The following RFX4 variants were observed in gnomAD, a reference collection of about 807,000 sequenced individuals.
The protein encoded by RFX4 is regulatory factor X4, also known as transcription factor RFX4.
Under a neutral mutation model 95.0 loss-of-function variants are expected in RFX4, and 10 were observed. That is an observed-to-expected ratio of 0.11 (90% CI 0.06 to 0.18). The LOEUF (loss-of-function observed/expected upper bound fraction) is 0.18. Ranked by LOEUF, RFX4 falls within the 10% of genes least tolerant of loss-of-function variation. The pLI is 1.00. For missense variants in RFX4, 640 were observed against 922.0 expected (o/e 0.69, Z 3.96); for synonymous variants, 321 against 340.7 (o/e 0.94, Z 0.64).
intron 13 of RFX4, among the ~76,000 whole-genome samples, chr12:106,730,549 T>C (rs902716083): frequency 6.6e-6 from 1 of 152,212 alleles, no homozygotes; most frequent in African/African-American, 2.4e-5. Flanking sequence ...ACCTCACAGT[T>C]TGTTGTAAGG....
chr12:106,696,516 T>G, intron 8 of RFX4, 70 bp downstream of exon 8: 1 of 1,571,784 alleles, frequency 6.4e-7, no homozygotes, highest in Non-Finnish European at 8.7e-7. Flanking sequence ...TCTCTTGTAC[T>G]GATTATAATC....
At chr12:106,601,727 G>A (rs1036564141) in intron 1 of RFX4, among the ~76,000 whole-genome samples, 12 of 152,156 alleles carry the variant, frequency 7.9e-5, no homozygotes, top group African/African-American at 2.2e-4. Flanking sequence ...TGGGCCCGGC[G>A]GGCAAGGCCT....
chr12:106,599,066 C>A (rs529290730), intron 1 of RFX4, among the ~76,000 whole-genome samples: 4 of 152,212 alleles, frequency 2.6e-5, no homozygotes, highest in African/African-American at 9.6e-5. Context: ...TGGCACTGAA[C>A]ACCTTAGGTT....
At chr12:106,606,344 G>A (rs574426393) in intron 1 of RFX4, among the ~76,000 whole-genome samples, 3 of 152,258 alleles carry the variant, frequency 2.0e-5, no homozygotes, top group African/African-American at 7.2e-5. Flanking sequence ...TATAGATATT[G>A]CTTTTGGTGG....
At chr12:106,625,066 A>G (rs1024096480) in intron 2 of RFX4, among the ~76,000 whole-genome samples, 1 of 152,222 alleles carries the variant, frequency 6.6e-6, no homozygotes, top group African/African-American at 2.4e-5. Context: ...TTGTTAGCCT[A>G]GAATAAAATA....
At chr12:106,671,649 C>CTTCTTTCTTTTCTT (rs1308265920) in intron 4 of RFX4, among the ~76,000 whole-genome samples, 11 of 151,708 alleles carry the variant, frequency 7.3e-5, no homozygotes, top group African/African-American at 1.7e-4. Context: ...TGTTGTTTTC[C>CTTCTTTCTTTTCTT]TTCTTTCTTT....
intron 8 of RFX4, among the ~76,000 whole-genome samples, chr12:106,699,949 T>G (rs1287020183): frequency 1.3e-5 from 2 of 152,122 alleles, no homozygotes; most frequent in Non-Finnish European, 2.9e-5. Context: ...GTTTCATCAG[T>G]TTTTGCTCCT....
At chr12:106,583,877 G>A (rs985908692) in intron 1 of RFX4, 27 of 152,772 alleles carry the variant, frequency 1.8e-4, no homozygotes, top group Non-Finnish European at 3.8e-4. Flanking sequence ...TGGTAGAGAC[G>A]CGCAGCTGGA....
At position 106,648,855 on chromosome 12, in the gene RFX4, GT is replaced by G. The variant is rs1355082490; in HGVS notation, c.192-5372del. 7.2e-5 allele frequency among the ~76,000 whole-genome samples: 11 copies of G among 152,150 alleles called. No homozygotes were observed. In the East Asian group the frequency reaches 1.9e-3, roughly 27 times the overall value. On this transcript the variant is annotated intron_variant, in intron 3 of 17. Coordinates refer to ENST00000392842, the MANE Select transcript of RFX4 (RefSeq NM_213594.3). ...TGAGGACAGTGGGAAATGATGCCAG[GT>G]GCCGAAACATTTGCTTTTCATTGTA...
At chr12:106,666,887 T>C (rs1332060929) in intron 4 of RFX4, among the ~76,000 whole-genome samples, 2 of 152,220 alleles carry the variant, frequency 1.3e-5, no homozygotes, top group African/African-American at 2.4e-5. Context: ...AATTCTGACA[T>C]CCTTGCCTTG....
intron 9 of RFX4, among the ~76,000 whole-genome samples, chr12:106,710,867 A>G (rs961320820): frequency 4.6e-5 from 7 of 152,196 alleles, no homozygotes; most frequent in Admixed American, 3.9e-4. Context: ...TTATCAGCCT[A>G]TTATGTCAGT....
At chr12:106,735,891 C>T (rs1185923661) in intron 15 of RFX4, among the ~76,000 whole-genome samples, 1 of 152,060 alleles carries the variant, frequency 6.6e-6, no homozygotes, top group African/African-American at 2.4e-5. Flanking sequence ...CTATGAGGTT[C>T]CCAAGGAAGG....
At chr12:106,708,755 C>T (rs978329885) in intron 8 of RFX4, among the ~76,000 whole-genome samples, 2 of 152,170 alleles carry the variant, frequency 1.3e-5, no homozygotes, top group African/African-American at 2.4e-5. Context: ...AACCTACTGC[C>T]CTGCTCAGTG....
intron 6 of RFX4, among the ~76,000 whole-genome samples, chr12:106,687,796 A>G (rs1156987939): frequency 6.6e-6 from 1 of 152,040 alleles, no homozygotes; most frequent in Non-Finnish European, 1.5e-5. Context: ...TCTACCTATC[A>G]TCTATCTTCT....
chr12:106,602,194 C>T (rs1365851077), intron 1 of RFX4, among the ~76,000 whole-genome samples: 1 of 152,198 alleles, frequency 6.6e-6, no homozygotes, highest in East Asian at 1.9e-4. Flanking sequence ...GTCTCTGCTT[C>T]AGTTGCTGCG....
chr12:106,679,174 CT>C (rs2041452992), intron 4 of RFX4, among the ~76,000 whole-genome samples: 1 of 152,182 alleles, frequency 6.6e-6, no homozygotes, highest in Admixed American at 6.5e-5. Flanking sequence ...TGGTGCCTTA[CT>C]GGCCAAGTGC....
In RFX4 at chr12:106,681,978, T is replaced by A. The variant is rs1340076262; in HGVS notation, c.316-15T>A. The A allele has an allele frequency of 6.2e-7, 1 of 1,614,084 alleles. No homozygotes were observed. The highest frequency in any genetic ancestry group is 8.5e-7 in the Non-Finnish European group (1 of 1,179,942). On this transcript the variant is annotated splice_polypyrimidine_tract_variant and intron_variant, in intron 4 of 17. Coordinates refer to ENST00000392842, the MANE Select transcript of RFX4 (RefSeq NM_213594.3). Reference sequence around the variant, plus strand: ...CTCTTCCCAATGGGTAACTGATTCTTGTGTTGACTTACAGATCATAAGGCA... The same window carrying A: ...CTCTTCCCAATGGGTAACTGATTCTAGTGTTGACTTACAGATCATAAGGCA...
At chr12:106,604,115 C>T (rs1158985267) in intron 1 of RFX4, among the ~76,000 whole-genome samples, 1 of 112,810 alleles carries the variant, frequency 8.9e-6, no homozygotes, top group African/African-American at 3.6e-5. Flanking sequence ...GCTTCTCTCT[C>T]TTTTTTTTTT....
At chr12:106,654,110 C>T in intron 3 of RFX4, 118 bp from the exon 4 acceptor site, 3 of 1,377,082 alleles carry the variant, frequency 2.2e-6, no homozygotes, top group Non-Finnish European at 3.1e-6. Flanking sequence ...AGCTTCTCCA[C>T]CTGTAGAAAG....
Sources: gnomAD v4.1 joint callset for allele counts (sites outside exome capture counted in the v4.1 genomes callset) on GRCh38, gnomAD v4.1.1 for gene constraint, MANE v1.5 for transcripts, NCBI Gene and HGNC (gene_info 2026-07-23, HGNC 2026-07-21) for gene names.